The following B4GALNT2 variants were observed in gnomAD, a reference collection of about 807,000 sequenced individuals.
B4GALNT2 encodes the protein N-acetylneuraminylgalactosylglucosyl-glucoside beta-1,4-N- acetylgalactosaminyltransferase 2.
In B4GALNT2, 42 loss-of-function variants were observed where a neutral mutation model predicts 51.1. That is an observed-to-expected ratio of 0.82 (90% CI 0.64 to 1.06). The LOEUF (loss-of-function observed/expected upper bound fraction) is 1.06, where lower values mean the gene tolerates loss of function less well. Ranked by LOEUF, B4GALNT2 falls within the 50% of genes least tolerant of loss-of-function variation. The pLI, the probability that B4GALNT2 is intolerant of heterozygous loss-of-function variation, is 0.00. For synonymous variants in B4GALNT2, 253 were observed against 251.7 expected (o/e 1.01, Z -0.05); for missense variants, 602 against 633.6 (o/e 0.95, Z 0.54).
At chr17:49,152,996 C>T in intron 4 of B4GALNT2, 90 bp downstream of exon 4, 2 of 1,176,640 alleles carry the variant, frequency 1.7e-6, no homozygotes, top group Non-Finnish European at 2.5e-6. Flanking sequence ...GTGGCTCATG[C>T]CTGTAATTCC....
intron 3 of B4GALNT2, among the ~76,000 whole-genome samples, chr17:49,150,068 T>C (rs951233850): frequency 6.8e-6 from 1 of 147,168 alleles, no homozygotes; most frequent in African/African-American, 2.5e-5. Flanking sequence ...ATTTTGGAGG[T>C]CGGGGGGGGT....
At chr17:49,167,901 C>T (rs906645334) in intron 9 of B4GALNT2, among the ~76,000 whole-genome samples, 7 of 152,160 alleles carry the variant, frequency 4.6e-5, no homozygotes, top group Non-Finnish European at 8.8e-5. Context: ...TGAGCCACCA[C>T]GCCCAGCCTA....
At chr17:49,158,168 G>A (rs2042827864) in intron 5 of B4GALNT2, among the ~76,000 whole-genome samples, 1 of 152,176 alleles carries the variant, frequency 6.6e-6, no homozygotes, top group South Asian at 2.1e-4. Context: ...CTGAGTGGAT[G>A]GAGGTGCCAT....
chr17:49,131,194 A>G (rs1413818186), upstream of B4GALNT2, among the ~76,000 whole-genome samples: 4 of 152,338 alleles, frequency 2.6e-5, no homozygotes, highest in Middle Eastern at 6.8e-3. Context: ...AGGAGGTGTT[A>G]TACAAATGTC....
Position 49,171,174 on chromosome 17 carries a change from A to C in B4GALNT2, c.*1446A>C, listed in dbSNP as rs1241935353. On this transcript the variant is annotated 3_prime_UTR_variant, in exon 11 of 11. Coordinates refer to ENST00000393354, the MANE Select transcript of B4GALNT2 (RefSeq NM_001159387.2). The stretch of plus-strand genomic sequence containing the variant: ...CAACACGTTCCCCTTTTTGTTTTCC[A>C]AAGTGATAAAAGCAAAGGCAGCTTT... 9.1e-6 allele frequency: 2 copies of C among 220,768 alleles called. No individual in the cohort carries two copies. The highest frequency in any genetic ancestry group is 4.8e-5 in the African/African-American group (2 of 41,906). The allele number at this position is 220,768 out of a possible 1,614,324, so 13.7% of individuals were successfully genotyped here.
At chr17:49,143,736 C>A (rs574324870) in intron 3 of B4GALNT2, among the ~76,000 whole-genome samples, 2 of 152,178 alleles carry the variant, frequency 1.3e-5, no homozygotes, top group African/African-American at 4.8e-5. Flanking sequence ...TCTAACAGCA[C>A]GGTGCTGGCA....
chr17:49,126,168 G>A, the B4GALNT2 span, among the ~76,000 whole-genome samples: 28 of 152,246 alleles, frequency 1.8e-4, no homozygotes, highest in Middle Eastern at 3.4e-3. Context: ...AAAATTCTTC[G>A]GCCTTGGGAT....
chr17:49,157,546 TC>T (rs780473628), intron 5 of B4GALNT2, among the ~76,000 whole-genome samples: 3 of 152,138 alleles, frequency 2.0e-5, no homozygotes, highest in Non-Finnish European at 4.4e-5. Context: ...GGTCTCGAAC[TC>T]CTGACCTTAA....
intron 4 of B4GALNT2, among the ~76,000 whole-genome samples, chr17:49,155,168 G>A (rs2042796562): frequency 6.6e-6 from 1 of 151,074 alleles, no homozygotes; most frequent in Non-Finnish European, 1.5e-5. Context: ...AATTAGCCAG[G>A]CATGGTGGTA....
chr17:49,132,592 C>A, upstream of B4GALNT2: 1 of 466,508 alleles, frequency 2.1e-6, no homozygotes, highest in African/African-American at 2.0e-5. Flanking sequence ...CGATCACCGG[C>A]AGCGGAGGAG....
chr17:49,166,265 G>A lies in B4GALNT2; in HGVS notation c.1095+11G>A, dbSNP rs2042910563. ...ACAGAACTGGACGTGGTAAGGGACA[G>A]TTGCCAGTTTCACCCAGCCACAATC... On this transcript the variant is annotated intron_variant, in intron 9 of 10. Coordinates refer to ENST00000393354, the MANE Select transcript of B4GALNT2 (RefSeq NM_001159387.2). The A allele has an allele frequency of 3.2e-6, 5 of 1,585,770 alleles. No homozygotes were observed. In the African/African-American group the frequency reaches 6.8e-5, roughly 22 times the overall value.
chr17:49,121,435 A>C, the B4GALNT2 span, among the ~76,000 whole-genome samples: 1,098 of 152,282 alleles, frequency 7.2e-3, 15 homozygotes, highest in African/African-American at 0.025. Context: ...ATGGCACTAG[A>C]ATCTGTTGGC....
upstream of B4GALNT2, among the ~76,000 whole-genome samples, chr17:49,128,482 T>C (rs2042521577): frequency 6.6e-6 from 1 of 151,256 alleles, no homozygotes; most frequent in Admixed American, 6.6e-5. Context: ...AAGGAAGGAG[T>C]TTCAGGGGAA....
In B4GALNT2 at chr17:49,164,155, C is replaced by T. The variant is rs1567866181; in HGVS notation, c.834C>T (p.Ile278=). 6.2e-7 allele frequency: 1 copy of T among 1,613,964 alleles called. No homozygotes were observed. Among genetic ancestry groups the T allele is most frequent in the Non-Finnish European group, 8.5e-7 (1 of 1,179,942 alleles). ...TCCTCCGCCCCCACAAGCTCATGAT[C>T]ATGCTCCGGAGTATTCGAGAGTATT... The part of the protein sequence containing the change: ...KTFLRPHKLM[I]MLRSIREYYP... The change falls in exon 8 of 11, where the codon ATC becomes ATT. Residue 278 remains isoleucine (I), a synonymous_variant. Coordinates refer to ENST00000393354, the MANE Select transcript of B4GALNT2 (RefSeq NM_001159387.2).
At chr17:49,125,170 T>C in the B4GALNT2 span, among the ~76,000 whole-genome samples, 1 of 152,176 alleles carries the variant, frequency 6.6e-6, no homozygotes, top group Admixed American at 6.5e-5. Context: ...TTTATTTATT[T>C]ATTTTTGAGA....
At chr17:49,157,076 A>G (rs2042817275) in intron 5 of B4GALNT2, among the ~76,000 whole-genome samples, 1 of 152,176 alleles carries the variant, frequency 6.6e-6, no homozygotes, top group Non-Finnish European at 1.5e-5. Context: ...CCACCTTTAC[A>G]TGTTGGTCAG....
intron 3 of B4GALNT2, chr17:49,148,608 A>G: frequency 2.0e-6 from 1 of 505,080 alleles, no homozygotes; most frequent in South Asian, 1.9e-5. Context: ...GTACGCGTAG[A>G]AATGTCTCCA....
Position 49,164,253 on chromosome 17 carries a change from A to T in B4GALNT2, c.932A>T (p.Tyr311Phe), listed in dbSNP as rs1004514359. 1 of 1,612,838 alleles carries T rather than the reference A, an allele frequency of 6.2e-7. No homozygotes were observed. Among genetic ancestry groups the T allele is most frequent in the African/African-American group, 1.3e-5 (1 of 74,888 alleles). Residue 311 changes from tyrosine (Y) to phenylalanine (F), a missense_variant, in exon 8 of 11, where the codon TAT becomes TTT. By Grantham distance (22) the Tyr-to-Phe change is conservative (BLOSUM62 3). Coordinates refer to ENST00000393354, the MANE Select transcript of B4GALNT2 (RefSeq NM_001159387.2). ...GAAATTAAAGACAATCACGTGGAGT[A>T]TTACACTATGCCCTTTGGGAAGGTA... ...PLEIKDNHVE[Y>F]YTMPFGKGWF...
In B4GALNT2 at chr17:49,142,192, C is replaced by T. The variant is rs1295454503; in HGVS notation, c.353+20C>T. Reference sequence around the variant, plus strand: ...GAGGAGGTAATGCGGGTCATGAAGGCCCTTGGGTTCTGAGATGGAACAAAA... The same window carrying T: ...GAGGAGGTAATGCGGGTCATGAAGGTCCTTGGGTTCTGAGATGGAACAAAA... On this transcript the variant is annotated intron_variant, in intron 3 of 10. Transcript: ENST00000393354. 4 of 1,613,524 alleles carry T rather than the reference C, an allele frequency of 2.5e-6. No homozygotes were observed. Among genetic ancestry groups the T allele is most frequent in the Non-Finnish European group, 3.4e-6 (4 of 1,179,880 alleles).
Sources: allele counts gnomAD v4.1 joint callset (sites outside exome capture counted in the v4.1 genomes callset), GRCh38; gene constraint gnomAD v4.1.1; transcripts MANE v1.5; gene names NCBI Gene and HGNC (gene_info 2026-07-23, HGNC 2026-07-21).